PPP2R5D: variants seen among roughly 807,000 people sequenced by gnomAD.
The protein encoded by PPP2R5D is serine/threonine-protein phosphatase 2A 56 kDa regulatory subunit delta isoform.
PPP2R5D carries 12 observed loss-of-function variants against 79.1 expected under a neutral mutation model. That is an observed-to-expected ratio of 0.15 (90% confidence interval 0.10 to 0.25). The LOEUF (loss-of-function observed/expected upper bound fraction) is 0.25, where lower values mean the gene tolerates loss of function less well. PPP2R5D is among the 10% of genes least tolerant of loss of function. The pLI, the probability that PPP2R5D is intolerant of heterozygous loss-of-function variation, is 1.00. For missense variants in PPP2R5D, 419 were observed against 760.2 expected (o/e 0.55, Z 5.28); for synonymous variants, 277 against 286.6 (o/e 0.97, Z 0.34).
chr6:43,011,146 C>A lies in PPP2R5D; in HGVS notation c.1672-3C>A. 6.2e-7 allele frequency: 1 copy of A among 1,614,146 alleles called. No individual in the cohort carries two copies. The highest frequency in any genetic ancestry group is 8.5e-7 in the Non-Finnish European group (1 of 1,179,998). ...TCCTCACCTTGTCCCTATTCACACA[C>A]AGATGCTAAAAGACATCAAGAAGGA... On this transcript the variant is annotated splice_polypyrimidine_tract_variant and splice_region_variant and intron_variant, in intron 15 of 15. Transcript: ENST00000485511.
Position 43,009,521 on chromosome 6 carries a change from G to C in PPP2R5D, c.1379+72G>C. On this transcript the variant is annotated intron_variant, in intron 12 of 15. Coordinates refer to ENST00000485511, the MANE Select transcript of PPP2R5D (RefSeq NM_006245.4). This position sits in a 1 kb window ranked among gnomAD's most constrained non-coding sequence, Gnocchi z 5.6. ...ACTTTGAGGGTATGGAAGAACTAAA[G>C]AGCCAGGGGTCTCACCTAGTCACCC... The C allele has an allele frequency of 6.3e-7, 1 of 1,596,688 alleles. No homozygotes were observed. Among genetic ancestry groups the C allele is most frequent in the African/African-American group, 1.3e-5 (1 of 74,532 alleles).
chr6:42,997,727 G>T (rs1471344579), intron 2 of PPP2R5D, among the ~76,000 whole-genome samples: 1 of 150,712 alleles, frequency 6.6e-6, no homozygotes. Flanking sequence ...TGTATTTTTA[G>T]TAGAGACAGG....
chr6:43,011,016 G>A lies in PPP2R5D; in HGVS notation c.1671+19G>A. 1 of 1,610,850 alleles carries A rather than the reference G, an allele frequency of 6.2e-7. No individual in the cohort carries two copies. The highest frequency in any genetic ancestry group is 1.1e-5 in the South Asian group (1 of 91,022). On this transcript the variant is annotated intron_variant, in intron 15 of 15. Transcript: ENST00000485511. ...TGTTCAGGTGGGAGGGCAATGTAGG[G>A]GGATGGAGCAGAAATAATAGCTCTG...
In PPP2R5D at chr6:43,008,896, A is replaced by G. The variant is rs1436936204; in HGVS notation, c.1080+150A>G. ...CCTCTCTGAAGGGGAAGCAAAACCT[A>G]TATACACCTAGGAAACAGATCCAAG... On this transcript the variant is annotated intron_variant, in intron 10 of 15. Coordinates refer to ENST00000485511, the MANE Select transcript of PPP2R5D (RefSeq NM_006245.4). This position sits in a 1 kb window ranked among gnomAD's most constrained non-coding sequence, Gnocchi z 4.2. The G allele has an allele frequency of 1.7e-5, 21 of 1,255,982 alleles. No individual in the cohort carries two copies. Among genetic ancestry groups the G allele is most frequent in the Non-Finnish European group, 2.2e-5 (20 of 893,978 alleles). 77.8% of individuals were successfully genotyped at this position (1,255,982 alleles called of 1,614,324 possible).
chr6:43,011,955 CCCCGTG>C lies in PPP2R5D; in HGVS notation c.*673_*678del, dbSNP rs1762370765. 1 of 155,628 alleles carries C rather than the reference CCCCGTG, an allele frequency of 6.4e-6. No homozygotes were observed. The highest frequency in any genetic ancestry group is 6.5e-5 in the Admixed American group (1 of 15,486). The allele number at this position is 155,628 out of a possible 1,614,324, so 9.6% of individuals were successfully genotyped here. On this transcript the variant is annotated 3_prime_UTR_variant, in exon 16 of 16. Coordinates refer to ENST00000485511, the MANE Select transcript of PPP2R5D (RefSeq NM_006245.4). ...CGGGGAGGGATGAATAAACACCCTA[CCCCGTG>C]CCCTGTCTTTGGTGAGCAGCAGCCC...
intron 2 of PPP2R5D, among the ~76,000 whole-genome samples, chr6:43,004,764 T>C (rs541626251): frequency 2.6e-4 from 39 of 151,362 alleles, no homozygotes; most frequent in African/African-American, 4.8e-5. Context: ...CTTTTCTTTT[T>C]TTTTTTTTTG....
At position 43,009,730 on chromosome 6, in the gene PPP2R5D, T is replaced by C. The variant is rs1356018380; in HGVS notation, c.1379+281T>C. On this transcript the variant is annotated intron_variant, in intron 12 of 15. Transcript: ENST00000485511. The surrounding 1 kb of genome is among the most constrained non-coding windows in gnomAD (Gnocchi z 5.6). ...GCTTTGGAGATGTAATTCTATGCAG[T>C]GAGAAGCTGATGTGACCTTCTTTGA... Among the ~76,000 whole-genome samples, 2 of 152,144 alleles carry C rather than the reference T, an allele frequency of 1.3e-5. No individual in the cohort carries two copies. The highest frequency in any genetic ancestry group is 2.9e-5 in the Non-Finnish European group (2 of 68,032).
intron 2 of PPP2R5D, among the ~76,000 whole-genome samples, chr6:43,004,737 A>G (rs1257081888): frequency 1.3e-5 from 2 of 149,960 alleles, no homozygotes; most frequent in Middle Eastern, 3.2e-3. Context: ...CAACTAAACT[A>G]TGTATTACAT....
At chr6:42,997,012 T>G (rs1226975855) in intron 2 of PPP2R5D, among the ~76,000 whole-genome samples, 1 of 152,102 alleles carries the variant, frequency 6.6e-6, no homozygotes, top group African/African-American at 2.4e-5. Context: ...TGTTTTTTTA[T>G]GTATTTATTT....
intron 1 of PPP2R5D, among the ~76,000 whole-genome samples, chr6:42,987,362 C>T (rs760041186): frequency 6.6e-6 from 1 of 152,100 alleles, no homozygotes; most frequent in Non-Finnish European, 1.5e-5. Context: ...CTGGGACTTA[C>T]CTCTTTTATT....
intron 2 of PPP2R5D, among the ~76,000 whole-genome samples, chr6:42,998,030 TATATATATATATA>T: frequency 5.7e-5 from 1 of 17,404 alleles, no homozygotes; most frequent in Non-Finnish European, 1.6e-4. Context: ...TATATATATA[TATATATATATATA>T]TATATATATA....
At chr6:42,989,845 G>A (rs1305966348) in intron 2 of PPP2R5D, among the ~76,000 whole-genome samples, 157 bp downstream of exon 2, 4 of 152,230 alleles carry the variant, frequency 2.6e-5, no homozygotes, top group African/African-American at 9.6e-5. Context: ...CCTCAGGCAG[G>A]ATTTACCTTT....
In PPP2R5D at chr6:43,008,111, A is replaced by T; in HGVS notation, c.857+46A>T. ...TTAGGAGCAAAACCTTCTGCTACTG[A>T]GGTGGGGTGGGAGCAGGGAGGTGGG... On this transcript the variant is annotated intron_variant, in intron 7 of 15. Coordinates refer to ENST00000485511, the MANE Select transcript of PPP2R5D (RefSeq NM_006245.4). This position sits in a 1 kb window ranked among gnomAD's most constrained non-coding sequence, Gnocchi z 4.2. 1 of 1,613,468 alleles carries T rather than the reference A, an allele frequency of 6.2e-7. No homozygotes were observed. The highest frequency in any genetic ancestry group is 1.1e-5 in the South Asian group (1 of 91,078).
chr6:42,984,779 C>A, intron 1 of PPP2R5D, 75 bp downstream of exon 1: 1 of 1,600,776 alleles, frequency 6.2e-7, no homozygotes, highest in Non-Finnish European at 8.5e-7. Context: ...GAGCCAGGCC[C>A]GGGACAGCCC....
At position 43,008,655 on chromosome 6, in the gene PPP2R5D, C is replaced by T. The variant is rs764356082; in HGVS notation, c.1027-38C>T. 11 of 1,603,616 alleles carry T rather than the reference C, an allele frequency of 6.9e-6. No homozygotes were observed. In the African/African-American group the frequency reaches 1.3e-4, roughly 20 times the overall value. On this transcript the variant is annotated intron_variant, in intron 9 of 15. Coordinates refer to ENST00000485511, the MANE Select transcript of PPP2R5D (RefSeq NM_006245.4). The surrounding 1 kb of genome is among the most constrained non-coding windows in gnomAD (Gnocchi z 4.2). ...CTGACTTCTCTGAGAGCTTCTAGGA[C>T]CTACACCTCACCTCCCTTCTACCTC...
chr6:42,995,722 T>A (rs1363200608), intron 2 of PPP2R5D, among the ~76,000 whole-genome samples: 2 of 146,868 alleles, frequency 1.4e-5, no homozygotes, highest in African/African-American at 2.6e-5. Context: ...CCAACTAATT[T>A]TTCTCCTTTT....
intron 1 of PPP2R5D, 134 bp from the exon 2 acceptor site, chr6:42,989,477 C>G (rs928848395): frequency 8.1e-6 from 6 of 738,244 alleles, no homozygotes; most frequent in African/African-American, 7.1e-5. Flanking sequence ...CCCACCCCAG[C>G]TCCGCACAAG....
rs1273587906 is a variant in PPP2R5D at position 43,007,506 on chromosome 6, T to G, written c.726T>G (p.Ala242=). The G allele has an allele frequency of 6.2e-7, 1 of 1,604,766 alleles. No homozygotes were observed. The highest frequency in any genetic ancestry group is 1.3e-5 in the African/African-American group (1 of 74,714). ...KKYIDQKFVL[A]LLDLFDSEDP... is the part of the protein sequence containing the mutation. ...ACATCGACCAGAAGTTTGTACTTGC[T>G]GTGAGTCCCCGAGTTCCTGTCCTTG... Residue 242 remains alanine (A), a splice_region_variant and synonymous_variant, in exon 6 of 16, where the codon GCT becomes GCG. Transcript: ENST00000485511. The surrounding 1 kb of genome is among the most constrained non-coding windows in gnomAD (Gnocchi z 4.5).
Position 43,010,290 on chromosome 6 carries a change from G to T in PPP2R5D, c.1380-178G>T, listed in dbSNP as rs1762289259. Among the ~76,000 whole-genome samples the T allele has an allele frequency of 6.6e-6, 1 of 152,198 alleles. No homozygotes were observed. The highest frequency in any genetic ancestry group is 6.5e-5 in the Admixed American group (1 of 15,278). On this transcript the variant is annotated intron_variant, in intron 12 of 15. Coordinates refer to ENST00000485511, the MANE Select transcript of PPP2R5D (RefSeq NM_006245.4). The surrounding 1 kb of genome is among the most constrained non-coding windows in gnomAD (Gnocchi z 4.7). ...TATTTGTGAAAACCATGAAATGCCA[G>T]TCTCAAACCAGGTGATTTGGCCAGA...
Sources: gnomAD v4.1 joint callset for allele counts (sites outside exome capture counted in the v4.1 genomes callset) on GRCh38, gnomAD v4.1.1 for gene constraint, Gnocchi (gnomAD v3.1) non-coding constraint, MANE v1.5 for transcripts, NCBI Gene and HGNC (gene_info 2026-07-23, HGNC 2026-07-21) for gene names.